NEGR1: variants seen among roughly 807,000 people sequenced by gnomAD.
The protein encoded by NEGR1 is neuronal growth regulator 1.
Under a neutral mutation model 40.9 loss-of-function variants are expected in NEGR1, and 10 were observed. The ratio of observed to expected loss-of-function variants is 0.24; its 90% confidence interval spans 0.15 to 0.42. The LOEUF (loss-of-function observed/expected upper bound fraction) is 0.42. NEGR1 is among the 10% of genes least tolerant of loss of function. NEGR1 has a pLI of 1.00. For synonymous variants in NEGR1, 185 were observed against 166.8 expected, an observed-to-expected ratio of 1.11 and a Z score of -0.84; for missense variants, 352 against 438.9, an observed-to-expected ratio of 0.80 and a Z score of 1.77.
intron 1 of NEGR1, among the ~76,000 whole-genome samples, chr1:72,023,962 A>G (rs1396800885): frequency 6.6e-6 from 1 of 152,118 alleles, no homozygotes; most frequent in Non-Finnish European, 1.5e-5. Context: ...TTACAACTGG[A>G]GTGTATATCT....
chr1:72,281,617 A>C (rs1488416194), intron 1 of NEGR1, among the ~76,000 whole-genome samples: 1 of 152,042 alleles, frequency 6.6e-6, no homozygotes, highest in East Asian at 1.9e-4. Context: ...AAAAAGAAAA[A>C]AGGGTAAAAG....
At chr1:72,157,273 G>C (rs1470072955) in intron 1 of NEGR1, among the ~76,000 whole-genome samples, 1 of 152,016 alleles carries the variant, frequency 6.6e-6, no homozygotes, top group East Asian at 1.9e-4. Context: ...GTCCAGCCCT[G>C]TTTGTTTGTG....
chr1:71,928,461 C>CACATATAT lies in NEGR1; in HGVS notation c.409+6617_409+6618insATATATGT, dbSNP rs1460846331. Among the ~76,000 whole-genome samples the CACATATAT allele has an allele frequency of 3.0e-5, 4 of 132,822 alleles. No homozygotes were observed. The East Asian group carries it at 8.6e-4, about 28-fold the overall frequency. The allele number at this position is 132,822 out of a possible 152,430, so 87.1% of individuals were successfully genotyped here. A position where few individuals can be genotyped will look rare whatever the true frequency, so the allele number is the denominator to read the frequency against. ...ACACATATATATGTATATATACACA[C>CACATATAT]ATACTTATATATACACATATATATG... On this transcript the variant is annotated intron_variant, in intron 2 of 6. Transcript: ENST00000357731.
In NEGR1 at chr1:71,967,838, G is replaced by C. The variant is rs1446410472; in HGVS notation, c.177-32527C>G. On this transcript the variant is annotated intron_variant, in intron 1 of 6. Transcript: ENST00000357731. The stretch of plus-strand genomic sequence containing the variant: ...TTGTTTTCTGAAAGCCACATGACTG[G>C]AGGGGAAGTGGTTGCACAGACTTAT... 2.0e-5 allele frequency among the ~76,000 whole-genome samples: 3 copies of C among 152,184 alleles called. No individual in the cohort carries two copies. The East Asian group carries it at 5.8e-4, about 29-fold the overall frequency.
chr1:71,705,566 C>T (rs1030879772), intron 3 of NEGR1, among the ~76,000 whole-genome samples: 6 of 151,844 alleles, frequency 4.0e-5, no homozygotes, highest in Admixed American at 1.3e-4. Context: ...AATTAAGAAA[C>T]GGGCCAGGCC....
At chr1:71,602,136 C>T (rs892403181) in intron 5 of NEGR1, among the ~76,000 whole-genome samples, 4 of 151,868 alleles carry the variant, frequency 2.6e-5, no homozygotes, top group African/African-American at 7.3e-5. Context: ...GCCCTAACTC[C>T]TGTTATACCT....
chr1:71,991,100 T>C (rs1374417171), intron 1 of NEGR1, among the ~76,000 whole-genome samples: 2 of 152,032 alleles, frequency 1.3e-5, no homozygotes, highest in African/African-American at 4.8e-5. Flanking sequence ...CTTTATTCCC[T>C]GCTCAACTTC....
chr1:71,995,312 A>T (rs1027277784), intron 1 of NEGR1, among the ~76,000 whole-genome samples: 6 of 152,144 alleles, frequency 3.9e-5, no homozygotes, highest in Non-Finnish European at 8.8e-5. Flanking sequence ...CCTTCGTGCC[A>T]TGTCTTCAGG....
intron 6 of NEGR1, chr1:71,476,712 A>G (rs907746760): frequency 1.7e-4 from 26 of 151,984 alleles, no homozygotes; most frequent in Non-Finnish European, 3.1e-4. Flanking sequence ...ATCTGGCAAT[A>G]CTCCAAGAAT....
chr1:72,147,716 T>G (rs1650962750), intron 1 of NEGR1, among the ~76,000 whole-genome samples: 2 of 152,160 alleles, frequency 1.3e-5, no homozygotes, highest in African/African-American at 4.8e-5. Flanking sequence ...AGGTACTTAC[T>G]TCCTAAATAC....
intron 6 of NEGR1, among the ~76,000 whole-genome samples, chr1:71,448,870 C>T (rs1000067607): frequency 2.2e-4 from 33 of 152,270 alleles, no homozygotes; most frequent in South Asian, 4.1e-4. Flanking sequence ...GACAACTGCA[C>T]GATAAAGGGG....
chr1:71,612,300 A>T (rs1650288994), intron 4 of NEGR1, among the ~76,000 whole-genome samples: 2 of 152,226 alleles, frequency 1.3e-5, no homozygotes, highest in Admixed American at 1.3e-4. Flanking sequence ...TTTCCTTTTC[A>T]GTTCCTTGAA....
At chr1:72,129,507 A>G (rs575687551) in intron 1 of NEGR1, among the ~76,000 whole-genome samples, 2 of 152,310 alleles carry the variant, frequency 1.3e-5, no homozygotes, top group Admixed American at 1.3e-4. Context: ...CCACAAGTGG[A>G]GAGTAGAACA....
intron 6 of NEGR1, among the ~76,000 whole-genome samples, chr1:71,410,388 C>T (rs956649546): frequency 7.9e-5 from 12 of 151,996 alleles, no homozygotes; most frequent in South Asian, 2.1e-4. Context: ...CTATTATGTT[C>T]GTGGGGTTGA....
At chr1:71,620,697 C>T (rs1650582370) in intron 4 of NEGR1, among the ~76,000 whole-genome samples, 1 of 151,938 alleles carries the variant, frequency 6.6e-6, no homozygotes, top group African/African-American at 2.4e-5. Context: ...ATCTTTATGA[C>T]TTAGAGACTT....
chr1:71,942,292 G>GA (rs1003302727), intron 1 of NEGR1, among the ~76,000 whole-genome samples: 7 of 148,086 alleles, frequency 4.7e-5, no homozygotes, highest in Non-Finnish European at 7.5e-5. Flanking sequence ...AATTAGATGG[G>GA]AAAAAAAACT....
intron 1 of NEGR1, among the ~76,000 whole-genome samples, chr1:72,066,106 A>C (rs1475432641): frequency 6.6e-6 from 1 of 152,166 alleles, no homozygotes; most frequent in Non-Finnish European, 1.5e-5. Flanking sequence ...CTTACAAGGC[A>C]TTTACTAGTT....
At chr1:71,831,946 G>A (rs1408312434) in intron 2 of NEGR1, among the ~76,000 whole-genome samples, 1 of 151,852 alleles carries the variant, frequency 6.6e-6, no homozygotes, top group Non-Finnish European at 1.5e-5. Flanking sequence ...AATATGGTAA[G>A]AGGAAACAAC....
intron 1 of NEGR1, among the ~76,000 whole-genome samples, chr1:72,280,515 T>C (rs1656206674): frequency 6.6e-6 from 1 of 152,164 alleles, no homozygotes; most frequent in Admixed American, 6.5e-5. Context: ...TAAAACAAAC[T>C]TAACATAAAG....
Sources: gnomAD v4.1 joint callset for allele counts (sites outside exome capture counted in the v4.1 genomes callset) on GRCh38, gnomAD v4.1.1 for gene constraint, MANE v1.5 for transcripts, NCBI Gene and HGNC (gene_info 2026-07-23, HGNC 2026-07-21) for gene names.